SLC44A5: variants seen among roughly 807,000 people sequenced by gnomAD.
The protein encoded by SLC44A5 is solute carrier family 44 member 5.
Under a neutral mutation model 101.8 loss-of-function variants are expected in SLC44A5, and 57 were observed. The ratio of observed to expected loss-of-function variants is 0.56; its 90% CI spans 0.45 to 0.70. The LOEUF is 0.70. Among genes scored for constraint, SLC44A5 ranks in the 30% least tolerant of loss-of-function variants. The pLI is 0.00. For synonymous variants in SLC44A5, 281 were observed against 290.9 expected (o/e 0.97, Z 0.35); for missense variants, 737 against 853.1 (o/e 0.86, Z 1.70).
intron 4 of SLC44A5, among the ~76,000 whole-genome samples, chr1:75,329,296 G>A (rs112887529): frequency 3.3e-5 from 5 of 151,950 alleles, no homozygotes; most frequent in Non-Finnish European, 5.9e-5. Context: ...AGCCTGCACC[G>A]CAGACTACAT....
At chr1:75,645,726 T>C in the SLC44A5 span, among the ~76,000 whole-genome samples, 1 of 135,158 alleles carries the variant, frequency 7.4e-6, no homozygotes, top group Non-Finnish European at 1.7e-5. Context: ...GAATGGATGG[T>C]ATTGCCTAGG....
Position 75,409,722 on chromosome 1 carries a change from C to G in SLC44A5, c.14-13101G>C, listed in dbSNP as rs187943001. Reference sequence around the variant, plus strand: ...CTGAACTATGAAGCAAACATTTGCACCTCAAAATATACCCAATGGTATCAC... The same window carrying G: ...CTGAACTATGAAGCAAACATTTGCAGCTCAAAATATACCCAATGGTATCAC... On this transcript the variant is annotated intron_variant, in intron 2 of 23. Transcript: ENST00000370859. Among the ~76,000 whole-genome samples the G allele has an allele frequency of 8.6e-4, 130 of 151,954 alleles. 1 individual carries two copies. Among genetic ancestry groups the G allele is most frequent in the African/African-American group, 3.0e-3 (125 of 41,418 alleles).
At chr1:75,224,535 C>G (rs1647156489) in intron 13 of SLC44A5, among the ~76,000 whole-genome samples, 1 of 152,120 alleles carries the variant, frequency 6.6e-6, no homozygotes, top group Non-Finnish European at 1.5e-5. Flanking sequence ...TATTGATGAT[C>G]CTGACCCTGT....
chr1:75,368,353 C>T (rs929487364), intron 3 of SLC44A5, among the ~76,000 whole-genome samples: 1 of 152,158 alleles, frequency 6.6e-6, no homozygotes, highest in South Asian at 2.1e-4. Context: ...GTTGACTCTG[C>T]AAAACGCATG....
intron 5 of SLC44A5, among the ~76,000 whole-genome samples, chr1:75,286,982 T>C (rs1653104608): frequency 6.6e-6 from 1 of 152,208 alleles, no homozygotes; most frequent in African/African-American, 2.4e-5. Flanking sequence ...TTCAGATGTC[T>C]ATATCTCTAG....
At chr1:75,258,213 G>A (rs938139481) in intron 6 of SLC44A5, among the ~76,000 whole-genome samples, 2 of 152,024 alleles carry the variant, frequency 1.3e-5, no homozygotes, top group African/African-American at 4.8e-5. Context: ...CCTAGAAAGG[G>A]GGCTGAAGCC....
chr1:75,605,682 G>A (rs893479244), intron 1 of SLC44A5, among the ~76,000 whole-genome samples: 3 of 152,160 alleles, frequency 2.0e-5, no homozygotes, highest in East Asian at 1.9e-4. Flanking sequence ...TATAAAATTC[G>A]ATTATACTAT....
intron 1 of SLC44A5, among the ~76,000 whole-genome samples, chr1:75,596,758 G>A (rs1674657886): frequency 6.6e-6 from 1 of 152,124 alleles, no homozygotes; most frequent in Admixed American, 6.6e-5. Flanking sequence ...ATCCACTCAT[G>A]TTAAAAACTC....
chr1:75,242,592 T>G (rs375909839), intron 8 of SLC44A5, among the ~76,000 whole-genome samples: 1 of 152,078 alleles, frequency 6.6e-6, no homozygotes, highest in South Asian at 2.1e-4. Context: ...TGACATTAAC[T>G]CCTAGTTCTA....
the SLC44A5 span, among the ~76,000 whole-genome samples, chr1:75,639,692 G>T: frequency 2.6e-5 from 4 of 152,050 alleles, no homozygotes; most frequent in African/African-American, 7.2e-5. Context: ...GTGTGTTTTT[G>T]TTCACAGTTG....
chr1:75,698,978 A>C, the SLC44A5 span, among the ~76,000 whole-genome samples: 1 of 152,194 alleles, frequency 6.6e-6, no homozygotes, highest in Non-Finnish European at 1.5e-5. Flanking sequence ...AAAGGAACAA[A>C]GCCTCCAAGA....
intron 2 of SLC44A5, among the ~76,000 whole-genome samples, chr1:75,475,937 C>A (rs935961756): frequency 6.6e-6 from 1 of 152,220 alleles, no homozygotes; most frequent in Non-Finnish European, 1.5e-5. Context: ...GTAATCCCAG[C>A]ACTTCGGGAA....
At chr1:75,298,465 G>C (rs1654143276) in intron 5 of SLC44A5, among the ~76,000 whole-genome samples, 1 of 151,946 alleles carries the variant, frequency 6.6e-6, no homozygotes, top group Non-Finnish European at 1.5e-5. Context: ...CTGAATTTGG[G>C]GTTCTGGGAA....
chr1:75,517,566 A>G (rs1467550638), intron 2 of SLC44A5, among the ~76,000 whole-genome samples: 1 of 152,204 alleles, frequency 6.6e-6, no homozygotes, highest in East Asian at 1.9e-4. Context: ...GAGGCCGACA[A>G]GAGAGGATTT....
the SLC44A5 span, among the ~76,000 whole-genome samples, chr1:75,699,546 T>A: frequency 2.7e-5 from 4 of 146,040 alleles, no homozygotes; most frequent in Admixed American, 2.7e-4. Flanking sequence ...CGCTGCAAAA[T>A]CATGCCAAAA....
the SLC44A5 span, among the ~76,000 whole-genome samples, chr1:75,685,556 C>T: frequency 6.6e-6 from 1 of 152,172 alleles, no homozygotes; most frequent in East Asian, 1.9e-4. Context: ...TCTGAGACCA[C>T]CTCAGCCTGG....
At chr1:75,442,512 C>T (rs1665268071) in intron 2 of SLC44A5, among the ~76,000 whole-genome samples, 1 of 152,058 alleles carries the variant, frequency 6.6e-6, no homozygotes, top group African/African-American at 2.4e-5. Context: ...AATTCCCCTC[C>T]CTCAATATCT....
intron 6 of SLC44A5, among the ~76,000 whole-genome samples, chr1:75,274,105 A>G (rs1457918803): frequency 1.3e-5 from 2 of 152,074 alleles, no homozygotes; most frequent in Admixed American, 6.6e-5. Context: ...GGCAGCATAG[A>G]CAACATAACT....
At chr1:75,255,165 G>A (rs530644548) in intron 6 of SLC44A5, among the ~76,000 whole-genome samples, 10 of 152,034 alleles carry the variant, frequency 6.6e-5, no homozygotes, top group African/African-American at 2.4e-4. Context: ...CAGCAGCAAA[G>A]CAAATCCACC....
Sources: gnomAD v4.1 joint callset for allele counts (sites outside exome capture counted in the v4.1 genomes callset) on GRCh38, gnomAD v4.1.1 for gene constraint, MANE v1.5 for transcripts, NCBI Gene and HGNC (gene_info 2026-07-23, HGNC 2026-07-21) for gene names.